The following SCAI variants were observed in gnomAD, a reference collection of about 807,000 sequenced individuals.
The protein encoded by SCAI is suppressor of cancer cell invasion.
Under a neutral mutation model 92.2 loss-of-function variants are expected in SCAI, and 24 were observed. The ratio of observed to expected loss-of-function variants is 0.26; its 90% CI spans 0.19 to 0.37. The LOEUF is 0.37. Ranked by LOEUF, SCAI falls within the 10% of genes least tolerant of loss-of-function variation. The probability of loss-of-function intolerance (pLI) is 1.00; values close to 1 mark genes in which losing one functional copy is unlikely to be tolerated. For missense variants in SCAI, 450 were observed against 736.2 expected (o/e 0.61, Z 4.50); for synonymous variants, 261 against 258.6 (o/e 1.01, Z -0.09).
chr9:125,029,555 A>C, intron 4 of SCAI, 89 bp downstream of exon 4: 1 of 645,008 alleles, frequency 1.6e-6, no homozygotes, highest in Admixed American at 3.1e-5. Flanking sequence ...AAAAAGCACC[A>C]AGACAAAAAG....
At chr9:125,058,509 C>T (rs1000539729) in intron 2 of SCAI, among the ~76,000 whole-genome samples, 2 of 151,930 alleles carry the variant, frequency 1.3e-5, no homozygotes, top group Non-Finnish European at 2.9e-5. Flanking sequence ...AACGAGACTG[C>T]GTTTCAAAAA....
At chr9:125,121,370 A>G (rs1835152612) in intron 2 of SCAI, among the ~76,000 whole-genome samples, 1 of 151,198 alleles carries the variant, frequency 6.6e-6, no homozygotes, top group African/African-American at 2.4e-5. Flanking sequence ...AGTAGTGACT[A>G]GAAACCTGCC....
chr9:125,062,378 A>G (rs1833786269), intron 2 of SCAI, among the ~76,000 whole-genome samples: 1 of 151,026 alleles, frequency 6.6e-6, no homozygotes, highest in Non-Finnish European at 1.5e-5. Flanking sequence ...CTCCTGCCTC[A>G]GCCTCCCAAA....
In SCAI at chr9:125,004,151, G is replaced by T. The variant is rs558270713; in HGVS notation, c.862-581C>A. ...AAATCGCACCATCGTATTCCAGCCTGGGTAACAGAGAAAGACTCTGTCTCA... is the reference window on the plus strand; with the variant it reads ...AAATCGCACCATCGTATTCCAGCCTTGGTAACAGAGAAAGACTCTGTCTCA... On this transcript the variant is annotated intron_variant, in intron 9 of 17. Transcript: ENST00000336505. 7.2e-5 allele frequency among the ~76,000 whole-genome samples: 11 copies of T among 152,088 alleles called. No homozygotes were observed. In the South Asian group the frequency reaches 1.7e-3, roughly 23 times the overall value.
chr9:124,984,869 A>G (rs1228919550), intron 14 of SCAI, among the ~76,000 whole-genome samples: 1 of 152,204 alleles, frequency 6.6e-6, no homozygotes, highest in East Asian at 1.9e-4. Flanking sequence ...GGAAAAGAAC[A>G]AGGACTGAAC....
intron 11 of SCAI, 61 bp downstream of exon 11, chr9:125,003,053 T>C (rs2131039334): frequency 1.9e-6 from 2 of 1,059,964 alleles, no homozygotes; most frequent in East Asian, 4.8e-5. Context: ...AAAGAGTGAC[T>C]CTTAGATTTT....
At chr9:125,027,006 C>T (rs545207553) in intron 5 of SCAI, 96 bp from the exon 6 acceptor site, 46 of 471,258 alleles carry the variant, frequency 9.8e-5, no homozygotes, top group South Asian at 1.7e-4. Context: ...CTCTGTGGCA[C>T]GGGGTGCGGG....
At chr9:124,978,829 T>G (rs1367303718) in intron 14 of SCAI, among the ~76,000 whole-genome samples, 1 of 151,886 alleles carries the variant, frequency 6.6e-6, no homozygotes, top group East Asian at 1.9e-4. Context: ...AACAAAGAAG[T>G]TCTTTATGAA....
intron 15 of SCAI, chr9:124,975,484 T>C: frequency 3.3e-6 from 1 of 302,878 alleles, no homozygotes; most frequent in South Asian, 2.6e-5. Context: ...GACTGGGAGT[T>C]AGAATTAGAT....
chr9:125,086,457 G>A (rs1834328049), intron 2 of SCAI, among the ~76,000 whole-genome samples: 1 of 152,116 alleles, frequency 6.6e-6, no homozygotes, highest in African/African-American at 2.4e-5. Flanking sequence ...GGTCTCAGAG[G>A]GAATGCTGAA....
chr9:125,068,643 C>T (rs1833917097), intron 2 of SCAI, among the ~76,000 whole-genome samples: 1 of 151,888 alleles, frequency 6.6e-6, no homozygotes. Flanking sequence ...AATAACATGG[C>T]AAAACCCCAT....
At chr9:125,012,750 C>T (rs1360811594) in intron 9 of SCAI, among the ~76,000 whole-genome samples, 3 of 152,140 alleles carry the variant, frequency 2.0e-5, no homozygotes, top group Admixed American at 2.0e-4. Flanking sequence ...CACACCACAC[C>T]TATTCCAAAA....
intron 2 of SCAI, among the ~76,000 whole-genome samples, chr9:125,131,581 ACT>A (rs1339243495): frequency 6.6e-6 from 1 of 152,068 alleles, no homozygotes; most frequent in African/African-American, 2.4e-5. Context: ...CTTGAAAATC[ACT>A]GCTTAACTCT....
intron 2 of SCAI, among the ~76,000 whole-genome samples, chr9:125,084,788 C>G (rs1834293117): frequency 1.3e-5 from 2 of 152,098 alleles, no homozygotes; most frequent in Non-Finnish European, 1.5e-5. Flanking sequence ...TCTATAATGA[C>G]ATTTATTAAA....
intron 2 of SCAI, among the ~76,000 whole-genome samples, chr9:125,059,169 A>G (rs1268625192): frequency 6.6e-6 from 1 of 152,206 alleles, no homozygotes; most frequent in African/African-American, 2.4e-5. Context: ...AATCAGACAA[A>G]TCAAAGTCCC....
At chr9:124,969,260 T>C (rs1209324272) in intron 17 of SCAI, among the ~76,000 whole-genome samples, 1 of 152,070 alleles carries the variant, frequency 6.6e-6, no homozygotes, top group Non-Finnish European at 1.5e-5. Context: ...CACAGTTCTT[T>C]TACATTTCAA....
intron 6 of SCAI, among the ~76,000 whole-genome samples, chr9:125,022,655 C>T (rs1051587424): frequency 2.0e-5 from 3 of 152,094 alleles, no homozygotes; most frequent in African/African-American, 7.2e-5. Flanking sequence ...TGGCCGCAAG[C>T]AATCTTCCCA....
chr9:124,975,541 T>C (rs966748339), intron 15 of SCAI, among the ~76,000 whole-genome samples: 77 of 152,360 alleles, frequency 5.1e-4, no homozygotes, highest in African/African-American at 1.7e-3. Context: ...CAAAAAGTCT[T>C]TTGATTCTCA....
intron 2 of SCAI, among the ~76,000 whole-genome samples, chr9:125,084,019 G>A (rs1245407182): frequency 6.6e-6 from 1 of 152,038 alleles, no homozygotes; most frequent in Non-Finnish European, 1.5e-5. Context: ...AGAGGAACAA[G>A]TACAAAGATG....
Sources: allele counts gnomAD v4.1 joint callset (sites outside exome capture counted in the v4.1 genomes callset), GRCh38; gene constraint gnomAD v4.1.1; transcripts MANE v1.5; gene names NCBI Gene and HGNC (gene_info 2026-07-23, HGNC 2026-07-21).